Variants in ASIP observed in about 807,000 individuals in gnomAD.
ASIP encodes the protein agouti signaling protein, also known as agouti-signaling protein.
A neutral mutation model predicts 10.3 loss-of-function variants in ASIP; 11 were observed. The observed-to-expected ratio is 1.07, with a 90% CI of 0.68 to 1.78. The LOEUF is 1.78. Among genes scored for constraint, ASIP ranks in the 40% most tolerant of loss-of-function variants. The pLI is 0.00. For missense variants in ASIP, 180 were observed against 169.2 expected, an observed-to-expected ratio of 1.06 and a Z score of -0.35; for synonymous variants, 70 against 70.8, an observed-to-expected ratio of 0.99 and a Z score of 0.06.
intron 1 of ASIP, among the ~76,000 whole-genome samples, chr20:34,248,057 T>C (rs1410616744): frequency 6.6e-6 from 1 of 151,932 alleles, no homozygotes; most frequent in Non-Finnish European, 1.5e-5. Flanking sequence ...AATAGAAAAA[T>C]TAGCCTGGCA....
chr20:34,186,734 G>A, the ASIP span, among the ~76,000 whole-genome samples: 2 of 152,194 alleles, frequency 1.3e-5, no homozygotes, highest in Non-Finnish European at 2.9e-5. Context: ...TCTCTAGACA[G>A]TAGACAATCC....
intron 1 of ASIP, among the ~76,000 whole-genome samples, chr20:34,207,766 CCATT>C (rs997660762): frequency 9.1e-4 from 137 of 150,092 alleles, no homozygotes; most frequent in Admixed American, 3.3e-4. Context: ...TTTTCCAGCA[CCATT>C]TATTTATTTA....
intron 1 of ASIP, among the ~76,000 whole-genome samples, chr20:34,200,526 C>A (rs1217587662): frequency 6.6e-6 from 1 of 152,196 alleles, no homozygotes; most frequent in African/African-American, 2.4e-5. Flanking sequence ...ACTTGGAGAG[C>A]TGTTTTCTCA....
At chr20:34,246,004 C>A (rs997263239) in intron 1 of ASIP, 3 of 1,136,734 alleles carry the variant, frequency 2.6e-6, no homozygotes, top group African/African-American at 1.5e-5. Flanking sequence ...CTACTTCTGG[C>A]CATTTTTCTG....
At chr20:34,257,078 TTTTTG>T (rs1386078371) in intron 1 of ASIP, among the ~76,000 whole-genome samples, 16 of 147,444 alleles carry the variant, frequency 1.1e-4, no homozygotes, top group African/African-American at 2.6e-4. Flanking sequence ...CTCTTTTTTT[TTTTTG>T]TTTTTTGTTT....
intron 1 of ASIP, among the ~76,000 whole-genome samples, chr20:34,226,412 G>A: frequency 6.6e-6 from 1 of 151,978 alleles, no homozygotes; most frequent in Non-Finnish European, 1.5e-5. Context: ...GAGTGCAGTG[G>A]CACGACTTTG....
At position 34,260,508 on chromosome 20, in the gene ASIP, T is replaced by C. The variant is rs1464683692; in HGVS notation, c.134T>C (p.Leu45Pro). The C allele has an allele frequency of 5.0e-5, 80 of 1,613,534 alleles. No homozygotes were observed. Among genetic ancestry groups the C allele is most frequent in the Non-Finnish European group, 6.6e-5 (78 of 1,179,708 alleles). The change falls in exon 2 of 4, where the codon CTG (leucine) becomes CCG (proline). Residue 45 changes from leucine to proline, a missense_variant. Transcript: ENST00000374954. ...SLRSNSSVNLLDVPSVSIVAL... is the reference protein window; with the variant it reads ...SLRSNSSVNLPDVPSVSIVAL... ...AGAAGCAACTCCTCTGTGAACCTAC[T>C]GGATGTCCCTTCTGTCTCTATTGTG...
intron 1 of ASIP, among the ~76,000 whole-genome samples, chr20:34,235,833 G>A (rs2035179962): frequency 1.6e-5 from 1 of 63,068 alleles, no homozygotes; most frequent in Non-Finnish European, 2.4e-5. Context: ...AAGAAAGAAA[G>A]AAAGAAAGAA....
intron 1 of ASIP, among the ~76,000 whole-genome samples, chr20:34,222,648 GTCTCCC>G (rs1277120761): frequency 1.4e-5 from 2 of 143,628 alleles, no homozygotes; most frequent in African/African-American, 5.9e-5. Context: ...CTCCCTCTCC[GTCTCCC>G]TCTCCCTCTC....
At chr20:34,191,835 T>C (rs2034826223), upstream of ASIP, among the ~76,000 whole-genome samples, 1 of 151,176 alleles carries the variant, frequency 6.6e-6, no homozygotes, top group Non-Finnish European at 1.5e-5. Flanking sequence ...GTTCAAACGA[T>C]TCTCCTGCTT....
chr20:34,240,160 G>GA (rs1300591457), upstream of ASIP, among the ~76,000 whole-genome samples: 1 of 152,156 alleles, frequency 6.6e-6, no homozygotes, highest in Non-Finnish European at 1.5e-5. Flanking sequence ...GAAAAAAAGA[G>GA]AAAAAAGAAG....
At chr20:34,212,242 C>T (rs2034979318) in intron 1 of ASIP, among the ~76,000 whole-genome samples, 1 of 152,076 alleles carries the variant, frequency 6.6e-6, no homozygotes, top group African/African-American at 2.4e-5. Context: ...AGTTACAAGA[C>T]TAGTAAGAAA....
chr20:34,216,971 A>C (rs2035013057), intron 1 of ASIP, among the ~76,000 whole-genome samples: 1 of 152,118 alleles, frequency 6.6e-6, no homozygotes, highest in African/African-American at 2.4e-5. Context: ...ATATGATGTT[A>C]TCTCTCTCCA....
intron 1 of ASIP, among the ~76,000 whole-genome samples, chr20:34,205,393 C>T (rs1336501699): frequency 6.6e-6 from 1 of 151,594 alleles, no homozygotes; most frequent in Non-Finnish European, 1.5e-5. Context: ...GCGGCGCATC[C>T]GGAGTTGTTC....
intron 1 of ASIP, among the ~76,000 whole-genome samples, chr20:34,209,515 A>AC (rs879650359): frequency 2.0e-5 from 3 of 151,692 alleles, no homozygotes; most frequent in African/African-American, 4.8e-5. Context: ...GCCTGGGAAG[A>AC]CCCCCCTGTA....
intron 1 of ASIP, 150 bp downstream of exon 1, chr20:34,241,639 A>ATCCT (rs1205454077): frequency 1.5e-6 from 1 of 656,566 alleles, no homozygotes; most frequent in Non-Finnish European, 1.9e-6. Context: ...AGTTAAGAGG[A>ATCCT]GTTCAGTGTG....
At chr20:34,252,456 C>G (rs375242793) in intron 1 of ASIP, among the ~76,000 whole-genome samples, 3 of 152,168 alleles carry the variant, frequency 2.0e-5, no homozygotes, top group East Asian at 3.9e-4. Context: ...TTTTCTTTAC[C>G]CAAACATCTC....
At chr20:34,246,386 C>T in intron 1 of ASIP, 1 of 1,410,508 alleles carries the variant, frequency 7.1e-7, no homozygotes, top group Non-Finnish European at 9.8e-7. Context: ...CCATTGTTTA[C>T]AATGAGCAAC....
Position 34,262,898 on chromosome 20 carries a change from G to A in ASIP, c.222+5G>A. The A allele has an allele frequency of 6.2e-7, 1 of 1,613,936 alleles. No individual in the cohort carries two copies. Among genetic ancestry groups the A allele is most frequent in the Non-Finnish European group, 8.5e-7 (1 of 1,179,846 alleles). The stretch of plus-strand genomic sequence containing the variant: ...GAAAAGAAAAGATCTTCTAAGGTAA[G>A]GGCAGGGAAGTTCTGGGAGTTCTCA... On this transcript the variant is annotated splice_donor_5th_base_variant and intron_variant, in intron 3 of 3. Transcript: ENST00000374954.
Sources: allele counts gnomAD v4.1 joint callset (sites outside exome capture counted in the v4.1 genomes callset), GRCh38; gene constraint gnomAD v4.1.1; transcripts MANE v1.5; gene names NCBI Gene and HGNC (gene_info 2026-07-23, HGNC 2026-07-21).